ZFAND3: variants seen among roughly 807,000 people sequenced by gnomAD.
ZFAND3 encodes the protein zinc finger AN1-type containing 3.
In ZFAND3, 10 loss-of-function variants were observed where a neutral mutation model predicts 29.6. That is an observed-to-expected ratio of 0.34 (90% CI 0.21 to 0.57). ZFAND3 has a LOEUF of 0.57. ZFAND3 is among the 20% of genes least tolerant of loss of function. ZFAND3 has a pLI of 0.86. For synonymous variants in ZFAND3, 128 were observed against 112.6 expected, an observed-to-expected ratio of 1.14 and a Z score of -0.87; for missense variants, 230 against 304.5, an observed-to-expected ratio of 0.76 and a Z score of 1.82.
intron 2 of ZFAND3, among the ~76,000 whole-genome samples, chr6:37,971,170 C>G (rs1183339358): frequency 1.3e-5 from 2 of 152,154 alleles, no homozygotes; most frequent in Non-Finnish European, 2.9e-5. Context: ...TTACGTTGAA[C>G]AAAGTGCTTT....
chr6:38,017,283 C>A (rs1026457325), intron 2 of ZFAND3, among the ~76,000 whole-genome samples: 4 of 152,106 alleles, frequency 2.6e-5, no homozygotes, highest in Non-Finnish European at 5.9e-5. Context: ...TATGGAGGGA[C>A]CAGAAGCTTT....
chr6:37,862,183 T>G (rs760063026), intron 1 of ZFAND3, among the ~76,000 whole-genome samples: 2 of 152,170 alleles, frequency 1.3e-5, no homozygotes, highest in Non-Finnish European at 2.9e-5. Context: ...TATTTTGATT[T>G]TTGTTGTTTT....
At chr6:38,004,453 T>C (rs1561963112) in intron 2 of ZFAND3, among the ~76,000 whole-genome samples, 2 of 141,120 alleles carry the variant, frequency 1.4e-5, no homozygotes, top group Non-Finnish European at 3.1e-5. Flanking sequence ...CCTCTCCCCC[T>C]TCCCCTCTCC....
intron 1 of ZFAND3, among the ~76,000 whole-genome samples, chr6:37,886,477 C>T (rs752772455): frequency 6.6e-6 from 1 of 152,054 alleles, no homozygotes; most frequent in African/African-American, 2.4e-5. Context: ...GTTTGAAAGG[C>T]TGAATCCTAA....
intron 1 of ZFAND3, among the ~76,000 whole-genome samples, chr6:37,825,082 T>C (rs1471249184): frequency 6.6e-6 from 1 of 152,250 alleles, no homozygotes; most frequent in Non-Finnish European, 1.5e-5. Context: ...ACATCACCTT[T>C]GTTACTGTCA....
intron 2 of ZFAND3, among the ~76,000 whole-genome samples, chr6:37,977,866 T>TCCTTCCTTCCTTCCTTCCTTCCTTCCTC (rs1561953846): frequency 7.0e-6 from 1 of 142,632 alleles, no homozygotes; most frequent in African/African-American, 2.6e-5. Context: ...CTTCCTTCCT[T>TCCTTCCTTCCTTCCTTCCTTCCTTCCTC]CCTTTCCTTC....
intron 1 of ZFAND3, among the ~76,000 whole-genome samples, chr6:37,875,634 AT>A (rs71542144): frequency 0.22 from 31,722 of 143,552 alleles, 4,055 homozygotes; most frequent in African/African-American, 0.36. Flanking sequence ...TAATTTCTGT[AT>A]TTTTTTTTTT....
chr6:37,834,591 T>C (rs1763929114), intron 1 of ZFAND3, among the ~76,000 whole-genome samples: 1 of 152,190 alleles, frequency 6.6e-6, no homozygotes, highest in East Asian at 1.9e-4. Flanking sequence ...AACAAATGAT[T>C]GTACCATTTT....
chr6:37,937,486 C>T (rs1450296636), intron 2 of ZFAND3, among the ~76,000 whole-genome samples: 2 of 151,840 alleles, frequency 1.3e-5, no homozygotes, highest in African/African-American at 2.4e-5. Flanking sequence ...GAAACCCCGT[C>T]TCTACTAAAA....
chr6:38,111,209 TTAAAATTA>T (rs1243454268), intron 4 of ZFAND3, among the ~76,000 whole-genome samples: 1 of 152,210 alleles, frequency 6.6e-6, no homozygotes, highest in Admixed American at 6.5e-5. Context: ...TTCCATGTCT[TTAAAATTA>T]CTGTACAACC....
At chr6:38,142,718 G>C (rs1765989069) in intron 5 of ZFAND3, among the ~76,000 whole-genome samples, 1 of 152,028 alleles carries the variant, frequency 6.6e-6, no homozygotes, top group Admixed American at 6.5e-5. Context: ...GGGCCCGCCA[G>C]CAGTGCAGGT....
intron 4 of ZFAND3, among the ~76,000 whole-genome samples, chr6:38,102,082 T>TTCTTCTTTCTTCTTCCTCCTC (rs1765105290): frequency 1.3e-5 from 2 of 152,110 alleles, no homozygotes; most frequent in African/African-American, 4.8e-5. Flanking sequence ...TCTTCCTCCT[T>TTCTTCTTTCTTCTTCCTCCTC]TCTTCTTTCT....
chr6:37,931,948 G>C (rs1404460570), intron 2 of ZFAND3, among the ~76,000 whole-genome samples: 4 of 152,140 alleles, frequency 2.6e-5, no homozygotes, highest in Non-Finnish European at 5.9e-5. Context: ...TTTTTATTCA[G>C]CTTTTAGCAG....
intron 1 of ZFAND3, among the ~76,000 whole-genome samples, chr6:37,853,947 A>T (rs551437118): frequency 7.6e-5 from 11 of 145,210 alleles, no homozygotes; most frequent in South Asian, 4.2e-4. Context: ...TTGCCTTTTT[A>T]AAAAATTTTT....
intron 1 of ZFAND3, 130 bp from the exon 2 acceptor site, chr6:37,929,828 AT>A: frequency 1.5e-6 from 1 of 689,392 alleles, no homozygotes; most frequent in Non-Finnish European, 2.2e-6. Context: ...CTTGTTATTA[AT>A]TTATCAGTTT....
chr6:37,836,345 A>G (rs1763968244), intron 1 of ZFAND3, among the ~76,000 whole-genome samples: 1 of 152,196 alleles, frequency 6.6e-6, no homozygotes, highest in Non-Finnish European at 1.5e-5. Flanking sequence ...AAAGATAACT[A>G]AGGATGGAAC....
chr6:38,035,166 G>A (rs1474775570), intron 2 of ZFAND3, among the ~76,000 whole-genome samples: 2 of 151,850 alleles, frequency 1.3e-5, no homozygotes, highest in Non-Finnish European at 2.9e-5. Context: ...TTTTTCCTTG[G>A]TGAACTATAG....
At chr6:38,054,173 G>C (rs1484872657) in intron 2 of ZFAND3, among the ~76,000 whole-genome samples, 1 of 148,700 alleles carries the variant, frequency 6.7e-6, no homozygotes, top group Non-Finnish European at 1.5e-5. Context: ...TTGAGCCCAG[G>C]AGTTTGAGAC....
rs190613674 is a variant in ZFAND3 at position 37,894,824 on chromosome 6, C to T, written c.72-35135C>T. Among the ~76,000 whole-genome samples the T allele has an allele frequency of 1.6e-3, 249 of 152,296 alleles. 2 individuals are homozygous for T. Among genetic ancestry groups the T allele is most frequent in the Admixed American group, 0.013 (197 of 15,298 alleles). ...TTCTGTCAGTATCCTAAAGATGTTG[C>T]TCTACTGTCTTTTAGCATGCAACAT... is the stretch of plus-strand genomic sequence containing the variant. On this transcript the variant is annotated intron_variant, in intron 1 of 5. Transcript: ENST00000287218.
Sources: allele counts gnomAD v4.1 joint callset (sites outside exome capture counted in the v4.1 genomes callset), GRCh38; gene constraint gnomAD v4.1.1; transcripts MANE v1.5; gene names NCBI Gene and HGNC (gene_info 2026-07-23, HGNC 2026-07-21).